Variants in OXSR1 observed in about 807,000 individuals in gnomAD.
The protein encoded by OXSR1 is serine/threonine-protein kinase OSR1.
A neutral mutation model predicts 79.8 loss-of-function variants in OXSR1; 24 were observed. The ratio of observed to expected loss-of-function variants is 0.30; its 90% CI spans 0.22 to 0.42. OXSR1 has a LOEUF of 0.42. Among genes scored for constraint, OXSR1 ranks in the 10% least tolerant of loss-of-function variants. OXSR1 has a pLI of 1.00. For missense variants in OXSR1, 430 were observed against 618.4 expected, an observed-to-expected ratio of 0.70 and a Z score of 3.23; for synonymous variants, 226 against 209.2, an observed-to-expected ratio of 1.08 and a Z score of -0.69.
intron 1 of OXSR1, among the ~76,000 whole-genome samples, chr3:38,169,387 C>T (rs1012872705): frequency 6.6e-6 from 1 of 151,814 alleles, no homozygotes; most frequent in Non-Finnish European, 1.5e-5. Flanking sequence ...CTCACTGCAA[C>T]CTCTGTCTCT....
chr3:38,207,347 T>G (rs751827628), intron 4 of OXSR1, among the ~76,000 whole-genome samples: 1 of 152,258 alleles, frequency 6.6e-6, no homozygotes, highest in South Asian at 2.1e-4. Context: ...GATGACTCCA[T>G]GGAGTCAGGG....
intron 4 of OXSR1, among the ~76,000 whole-genome samples, chr3:38,204,281 G>A (rs1380832325): frequency 2.6e-5 from 4 of 152,198 alleles, no homozygotes; most frequent in African/African-American, 9.7e-5. Flanking sequence ...CCATCCAAGA[G>A]CCAAGGCCTG....
Position 38,242,667 on chromosome 3 carries a change from A to G in OXSR1, c.1075-76A>G, listed in dbSNP as rs368568059. On this transcript the variant is annotated intron_variant, in intron 11 of 17. Transcript: ENST00000311806. ...TAAATGGAGTTGATTTGCATTTAACATCACTTGCAGTTTGGGACTGACTAC... is the reference window on the plus strand; with the variant it reads ...TAAATGGAGTTGATTTGCATTTAACGTCACTTGCAGTTTGGGACTGACTAC... The G allele has an allele frequency of 6.7e-6, 5 of 746,078 alleles. No individual in the cohort carries two copies. In the Middle Eastern group the frequency reaches 7.4e-4, roughly 111 times the overall value. 46.2% of individuals were successfully genotyped at this position (746,078 alleles called of 1,614,324 possible).
At chr3:38,169,904 G>T (rs986086785) in intron 1 of OXSR1, among the ~76,000 whole-genome samples, 14 of 151,540 alleles carry the variant, frequency 9.2e-5, no homozygotes, top group Non-Finnish European at 1.9e-4. Flanking sequence ...TAATTTTTGT[G>T]TTTTTTGTAG....
At chr3:38,213,816 T>C (rs1164518891) in intron 4 of OXSR1, among the ~76,000 whole-genome samples, 2 of 152,240 alleles carry the variant, frequency 1.3e-5, no homozygotes, top group Non-Finnish European at 2.9e-5. Context: ...TTGAGAGATA[T>C]TTTATGTCAA....
At chr3:38,201,652 G>C (rs1223788344) in intron 4 of OXSR1, among the ~76,000 whole-genome samples, 1 of 152,010 alleles carries the variant, frequency 6.6e-6, no homozygotes, top group Non-Finnish European at 1.5e-5. Context: ...GGAGCTTGTG[G>C]TGAGCCGAGA....
intron 5 of OXSR1, among the ~76,000 whole-genome samples, chr3:38,218,986 G>A (rs768355951): frequency 3.9e-5 from 6 of 152,090 alleles, no homozygotes; most frequent in Non-Finnish European, 8.8e-5. Flanking sequence ...TGTTAATGAA[G>A]GAACTAAATT....
In OXSR1 at chr3:38,215,520, T is replaced by A. The variant is rs563050649; in HGVS notation, c.435-576T>A. 3.3e-5 allele frequency among the ~76,000 whole-genome samples: 5 copies of A among 152,360 alleles called. No homozygotes were observed. In the East Asian group the frequency reaches 9.6e-4, roughly 29 times the overall value. ...GAGAAAAGCCCAGATATGTCATCGG[T>A]ATATAGTCTGTTAACCAGACTGATA... On this transcript the variant is annotated intron_variant, in intron 4 of 17. Coordinates refer to ENST00000311806, the MANE Select transcript of OXSR1 (RefSeq NM_005109.3).
At chr3:38,180,900 C>T (rs1701772638) in intron 1 of OXSR1, among the ~76,000 whole-genome samples, 1 of 152,036 alleles carries the variant, frequency 6.6e-6, no homozygotes, top group African/African-American at 2.4e-5. Context: ...CTTTCACTTA[C>T]GAGGTCCCTT....
intron 10 of OXSR1, among the ~76,000 whole-genome samples, chr3:38,232,845 T>A (rs1040728823): frequency 5.3e-5 from 8 of 152,160 alleles, no homozygotes; most frequent in Admixed American, 2.6e-4. Context: ...TGCAACCAAA[T>A]TTTCAAAACT....
intron 8 of OXSR1, chr3:38,224,908 C>A: frequency 3.2e-6 from 1 of 309,168 alleles, no homozygotes; most frequent in Non-Finnish European, 6.0e-6. Context: ...AATAGTTCAG[C>A]TTTTTCCTTG....
rs984403705 is a variant in OXSR1, at chr3:38,254,500, C to T, written c.*1609C>T. The T allele has an allele frequency of 3.3e-5, 12 of 363,350 alleles. No individual in the cohort carries two copies. The highest frequency in any genetic ancestry group is 1.5e-4 in the African/African-American group (7 of 47,896). 22.5% of individuals were successfully genotyped at this position (363,350 alleles called of 1,614,324 possible). ...GAGATGATCAGACACCGGAGTTCAA[C>T]GTCCCAGCAGTCTTGGTAAAAGGAG... On this transcript the variant is annotated 3_prime_UTR_variant, in exon 18 of 18. Coordinates refer to ENST00000311806, the MANE Select transcript of OXSR1 (RefSeq NM_005109.3).
At position 38,254,582 on chromosome 3, in the gene OXSR1, C is replaced by G. The variant is rs937783565; in HGVS notation, c.*1691C>G. The G allele has an allele frequency of 3.8e-6, 1 of 261,066 alleles. No homozygotes were observed. Among genetic ancestry groups the G allele is most frequent in the Admixed American group, 5.4e-5 (1 of 18,534 alleles). 16.2% of individuals were successfully genotyped at this position (261,066 alleles called of 1,614,324 possible). On this transcript the variant is annotated 3_prime_UTR_variant, in exon 18 of 18. Coordinates refer to ENST00000311806, the MANE Select transcript of OXSR1 (RefSeq NM_005109.3). ...GATTGACCAGCTTGCTAGAAAAATA[C>G]TTAGCTTTTCTTTTTCTTTTTTTGT...
chr3:38,219,659 C>G (rs577757692), intron 5 of OXSR1, among the ~76,000 whole-genome samples: 1 of 152,108 alleles, frequency 6.6e-6, no homozygotes, highest in Non-Finnish European at 1.5e-5. Context: ...GCTGAATGCA[C>G]TAAATGTACT....
chr3:38,184,241 T>C (rs1204441350), intron 2 of OXSR1, among the ~76,000 whole-genome samples: 2 of 152,138 alleles, frequency 1.3e-5, no homozygotes, highest in Non-Finnish European at 2.9e-5. Flanking sequence ...TATATAATTA[T>C]ATATGAGATG....
rs572736281 is a variant in OXSR1, at chr3:38,217,047, G to A, written c.490+896G>A. Reference sequence around the variant, plus strand: ...TTGCAGCATGAATAATTGTTAAAGGGCTCAAGTGTAAAGCGTATAAAAAAC... The same window carrying A: ...TTGCAGCATGAATAATTGTTAAAGGACTCAAGTGTAAAGCGTATAAAAAAC... On this transcript the variant is annotated intron_variant, in intron 5 of 17. Transcript: ENST00000311806. 2.0e-5 allele frequency among the ~76,000 whole-genome samples: 3 copies of A among 152,184 alleles called. No individual in the cohort carries two copies. In the South Asian group the frequency reaches 6.2e-4, roughly 32 times the overall value.
At chr3:38,223,349 C>T (rs1372994626) in intron 6 of OXSR1, among the ~76,000 whole-genome samples, 1 of 151,736 alleles carries the variant, frequency 6.6e-6, no homozygotes, top group Non-Finnish European at 1.5e-5. Context: ...TGGTCTTGAA[C>T]TCTTGGCCTC....
intron 2 of OXSR1, among the ~76,000 whole-genome samples, chr3:38,185,938 C>A (rs1479628309): frequency 1.8e-5 from 2 of 108,412 alleles, no homozygotes; most frequent in Non-Finnish European, 1.7e-5. Context: ...CAGAGTGAGG[C>A]CCTGTCTCAA....
upstream of OXSR1, among the ~76,000 whole-genome samples, chr3:38,164,690 T>C (rs997761435): frequency 6.6e-6 from 1 of 152,166 alleles, no homozygotes; most frequent in African/African-American, 2.4e-5. Flanking sequence ...TCGATCTCAC[T>C]TGTTTAATAC....
Sources: allele counts gnomAD v4.1 joint callset (sites outside exome capture counted in the v4.1 genomes callset), GRCh38; gene constraint gnomAD v4.1.1; transcripts MANE v1.5; gene names NCBI Gene and HGNC (gene_info 2026-07-23, HGNC 2026-07-21).